Variants in GOLM2 observed in about 807,000 individuals in gnomAD.
The protein encoded by GOLM2 is golgi membrane protein 2.
In GOLM2, 26 loss-of-function variants were observed where a neutral mutation model predicts 55.9. That is an observed-to-expected ratio of 0.47 (90% CI 0.34 to 0.65). GOLM2 has a LOEUF of 0.65. GOLM2 is among the 30% of genes least tolerant of loss of function. The probability of loss-of-function intolerance (pLI) is 0.01; values close to 1 mark genes in which losing one functional copy is unlikely to be tolerated. For synonymous variants in GOLM2, 165 were observed against 194.6 expected, an observed-to-expected ratio of 0.85 and a Z score of 1.27; for missense variants, 486 against 531.8, an observed-to-expected ratio of 0.91 and a Z score of 0.85.
At chr15:44,349,633 C>T (rs1240985771) in intron 6 of GOLM2, among the ~76,000 whole-genome samples, 1 of 152,094 alleles carries the variant, frequency 6.6e-6, no homozygotes, top group East Asian at 1.9e-4. Flanking sequence ...CACTATAGAC[C>T]AAATGGACCT....
chr15:44,395,142 C>G (rs1320005929), intron 8 of GOLM2, among the ~76,000 whole-genome samples: 2 of 151,342 alleles, frequency 1.3e-5, no homozygotes, highest in African/African-American at 2.4e-5. Context: ...CTCCAAGGAG[C>G]TGGGACTACA....
At chr15:44,379,943 AAAT>A (rs1339172603) in intron 7 of GOLM2, among the ~76,000 whole-genome samples, 155 bp downstream of exon 7, 1 of 152,102 alleles carries the variant, frequency 6.6e-6, no homozygotes, top group Non-Finnish European at 1.5e-5. Context: ...AAGCAGAGAG[AAAT>A]AATAATCTGA....
At chr15:44,411,917 T>G (rs950829363) in intron 9 of GOLM2, among the ~76,000 whole-genome samples, 2 of 152,078 alleles carry the variant, frequency 1.3e-5, no homozygotes, top group East Asian at 3.8e-4. Flanking sequence ...CTAATATAAT[T>G]TTAATACTCT....
At chr15:44,407,897 G>A (rs568630258) in intron 9 of GOLM2, among the ~76,000 whole-genome samples, 37 of 151,324 alleles carry the variant, frequency 2.4e-4, no homozygotes, top group Admixed American at 1.6e-3. Context: ...GATTACAGGC[G>A]TCCACCATCA....
chr15:44,385,810 G>C (rs558767409), intron 8 of GOLM2, among the ~76,000 whole-genome samples: 16 of 152,230 alleles, frequency 1.1e-4, no homozygotes, highest in Admixed American at 9.2e-4. Flanking sequence ...CTCCCATCTT[G>C]GCCTCCCAAA....
chr15:44,305,106 T>TC (rs1489782537), intron 1 of GOLM2, among the ~76,000 whole-genome samples: 4 of 152,224 alleles, frequency 2.6e-5, no homozygotes, highest in African/African-American at 9.6e-5. Flanking sequence ...ACTCAGGTGA[T>TC]CCTCCTATCT....
At chr15:44,329,223 C>T (rs1185207605) in intron 3 of GOLM2, among the ~76,000 whole-genome samples, 1 of 152,158 alleles carries the variant, frequency 6.6e-6, no homozygotes, top group Admixed American at 6.6e-5. Flanking sequence ...TTGCTGATAC[C>T]TCTACACTTG....
chr15:44,331,839 T>G (rs1185419441), intron 3 of GOLM2, 149 bp from the exon 4 acceptor site: 3 of 552,630 alleles, frequency 5.4e-6, no homozygotes, highest in Non-Finnish European at 9.7e-6. Flanking sequence ...AAGTTTTGAT[T>G]GTGAGCTATT....
intron 1 of GOLM2, among the ~76,000 whole-genome samples, chr15:44,310,456 A>C (rs9646195): frequency 0.8 from 98,994 of 123,506 alleles, 39,757 homozygotes; most frequent in East Asian, 0.96. Flanking sequence ...CTCTCTCTCT[A>C]TATATATATA....
intron 6 of GOLM2, among the ~76,000 whole-genome samples, chr15:44,344,668 G>A (rs187838369): frequency 1.9e-4 from 29 of 152,166 alleles, no homozygotes; most frequent in African/African-American, 6.7e-4. Context: ...ATAGCTTACT[G>A]CAGCCTCAAA....
intron 6 of GOLM2, among the ~76,000 whole-genome samples, chr15:44,366,296 C>CAAAAAAAAAA (rs34413737): frequency 1.8e-5 from 1 of 55,524 alleles, no homozygotes; most frequent in Non-Finnish European, 3.8e-5. Flanking sequence ...GACTCCGTCT[C>CAAAAAAAAAA]AAAAAAAAAA....
intron 6 of GOLM2, among the ~76,000 whole-genome samples, chr15:44,349,406 C>G (rs569617157): frequency 1.3e-5 from 2 of 152,116 alleles, no homozygotes; most frequent in Admixed American, 1.3e-4. Context: ...CAAAGAAGGT[C>G]ATTATATATA....
chr15:44,395,156 G>GC lies in GOLM2; in HGVS notation c.1073-7728dup, dbSNP rs778523944. Among the ~76,000 whole-genome samples, 3 of 149,114 alleles carry GC rather than the reference G, an allele frequency of 2.0e-5. No homozygotes were observed. In the East Asian group the frequency reaches 5.9e-4, roughly 29 times the overall value. ...TCTCCAAGGAGCTGGGACTACAGGCGCCCGCCACCACGCCCGGCTAATTTT... is the reference window on the plus strand; with the variant it reads ...TCTCCAAGGAGCTGGGACTACAGGCGCCCCGCCACCACGCCCGGCTAATTTT... On this transcript the variant is annotated intron_variant, in intron 8 of 9. Coordinates refer to ENST00000299957, the MANE Select transcript of GOLM2 (RefSeq NM_138423.4).
chr15:44,323,745 C>G (rs1238710250), intron 2 of GOLM2, among the ~76,000 whole-genome samples: 1 of 152,116 alleles, frequency 6.6e-6, no homozygotes, highest in Non-Finnish European at 1.5e-5. Context: ...TACATGCTCT[C>G]TAGCTTCAAA....
At chr15:44,352,577 T>G (rs142802376) in intron 6 of GOLM2, among the ~76,000 whole-genome samples, 6 of 151,910 alleles carry the variant, frequency 3.9e-5, no homozygotes, top group Admixed American at 6.6e-5. Context: ...TGGGATGACA[T>G]CAAGTTAAAA....
intron 1 of GOLM2, among the ~76,000 whole-genome samples, chr15:44,310,454 CTATATATATATATATG>C (rs1304333329): frequency 7.7e-5 from 11 of 142,604 alleles, no homozygotes; most frequent in Non-Finnish European, 1.2e-4. Context: ...CTCTCTCTCT[CTATATATATATATATG>C]TATATATATA....
intron 6 of GOLM2, among the ~76,000 whole-genome samples, chr15:44,348,231 C>T (rs1386190482): frequency 6.6e-6 from 1 of 152,048 alleles, no homozygotes; most frequent in Non-Finnish European, 1.5e-5. Context: ...GGGAAGAGTA[C>T]CAAATGGGCT....
intron 6 of GOLM2, among the ~76,000 whole-genome samples, chr15:44,357,989 G>C (rs1448621867): frequency 6.6e-6 from 1 of 152,168 alleles, no homozygotes; most frequent in Non-Finnish European, 1.5e-5. Context: ...ATGATTTATA[G>C]ATTGATATGA....
intron 8 of GOLM2, chr15:44,390,565 A>ATT (rs201684087): frequency 1.1e-4 from 15 of 142,576 alleles, no homozygotes; most frequent in Non-Finnish European, 1.5e-4. Context: ...TACATATAGA[A>ATT]TTTTTTTTTT....
Sources: allele counts gnomAD v4.1 joint callset (sites outside exome capture counted in the v4.1 genomes callset), GRCh38; gene constraint gnomAD v4.1.1; transcripts MANE v1.5; gene names NCBI Gene and HGNC (gene_info 2026-07-23, HGNC 2026-07-21).